INTS9: variants seen among roughly 807,000 people sequenced by gnomAD.
The protein encoded by INTS9 is integrator complex subunit 9.
Under a neutral mutation model 79.7 loss-of-function variants are expected in INTS9, and 55 were observed. That is an observed-to-expected ratio of 0.69 (90% CI 0.56 to 0.86). The LOEUF (loss-of-function observed/expected upper bound fraction) is 0.86. Among genes scored for constraint, INTS9 ranks in the 40% least tolerant of loss-of-function variants. INTS9 has a pLI of 0.00. For synonymous variants in INTS9, 319 were observed against 325.2 expected (o/e 0.98, Z 0.20); for missense variants, 721 against 831.5 (o/e 0.87, Z 1.64).
intron 11 of INTS9, among the ~76,000 whole-genome samples, chr8:28,782,885 C>A (rs529703989): frequency 2.0e-5 from 3 of 152,230 alleles, no homozygotes; most frequent in East Asian, 1.9e-4. Context: ...CATACACACA[C>A]AAAAAAACCC....
intron 14 of INTS9, among the ~76,000 whole-genome samples, chr8:28,773,482 TC>T (rs1802685935): frequency 7.2e-6 from 1 of 138,438 alleles, no homozygotes; most frequent in Non-Finnish European, 1.6e-5. Context: ...AAAAAAAAAA[TC>T]TATGAAAAAA....
chr8:28,876,204 C>A (rs1337242101), intron 1 of INTS9, among the ~76,000 whole-genome samples: 1 of 152,130 alleles, frequency 6.6e-6, no homozygotes, highest in Non-Finnish European at 1.5e-5. Flanking sequence ...GGAAACCTTG[C>A]AATTTTCTTT....
At chr8:28,836,440 T>C (rs1280827608) in intron 5 of INTS9, among the ~76,000 whole-genome samples, 1 of 152,236 alleles carries the variant, frequency 6.6e-6, no homozygotes, top group East Asian at 1.9e-4. Context: ...TCGTGATCCA[T>C]ATTGACTTAA....
At chr8:28,813,657 A>G in intron 6 of INTS9, 45 bp from the exon 7 acceptor site, 2 of 1,605,732 alleles carry the variant, frequency 1.2e-6, no homozygotes, top group Non-Finnish European at 1.7e-6. Flanking sequence ...ACATTTCTTC[A>G]TGTTCTACAG....
intron 2 of INTS9, among the ~76,000 whole-genome samples, chr8:28,855,825 G>A (rs1376814518): frequency 1.3e-5 from 2 of 152,208 alleles, no homozygotes; most frequent in East Asian, 3.8e-4. Context: ...CCATGGTTAT[G>A]TTAGAGGATG....
At position 28,836,057 on chromosome 8, in the gene INTS9, G is replaced by A. The variant is rs150145605; in HGVS notation, c.402-679C>T. On this transcript the variant is annotated intron_variant, in intron 5 of 16. Transcript: ENST00000521022. ...ACTCCTGACCTCAGGTGATCCACCCGCCTCGGCCTCCCAAAGTGCTGGGGG... is the reference window on the plus strand; with the variant it reads ...ACTCCTGACCTCAGGTGATCCACCCACCTCGGCCTCCCAAAGTGCTGGGGG... 3.7e-3 allele frequency among the ~76,000 whole-genome samples: 562 copies of A among 152,110 alleles called. 2 individuals are homozygous for A. The highest frequency in any genetic ancestry group is 0.012 in the African/African-American group (510 of 41,478).
chr8:28,793,693 C>A (rs1804035740), intron 10 of INTS9, 114 bp downstream of exon 10: 2 of 1,012,296 alleles, frequency 2.0e-6, no homozygotes, highest in Non-Finnish European at 2.8e-6. Flanking sequence ...AGAAAAACAA[C>A]AAAATGAAAT....
At chr8:28,808,193 ATT>A (rs3054473) in intron 8 of INTS9, among the ~76,000 whole-genome samples, 97,319 of 130,662 alleles carry the variant, frequency 0.74, 35,507 homozygotes, top group Non-Finnish European at 0.77. Flanking sequence ...CTTTATTTAG[ATT>A]TTTTTTTTTT....
intron 14 of INTS9, among the ~76,000 whole-genome samples, chr8:28,773,082 G>A (rs909294845): frequency 2.0e-5 from 3 of 152,104 alleles, no homozygotes; most frequent in African/African-American, 7.2e-5. Context: ...ATTTTCTTAT[G>A]GAAATAAACA....
At chr8:28,804,290 A>G (rs1804681353) in intron 8 of INTS9, among the ~76,000 whole-genome samples, 2 of 152,230 alleles carry the variant, frequency 1.3e-5, no homozygotes, top group African/African-American at 4.8e-5. Flanking sequence ...GACAAATTTG[A>G]GAAACTAAAT....
At chr8:28,776,077 C>T (rs552403467) in intron 13 of INTS9, 151 bp from the exon 14 acceptor site, 82 of 564,700 alleles carry the variant, frequency 1.5e-4, no homozygotes, top group African/African-American at 1.3e-3. Context: ...CCCAATGAAC[C>T]GTAGACAGGA....
chr8:28,850,460 A>G (rs1807770185), intron 2 of INTS9, among the ~76,000 whole-genome samples, 187 bp from the exon 3 acceptor site: 1 of 151,172 alleles, frequency 6.6e-6, no homozygotes, highest in Non-Finnish European at 1.5e-5. Flanking sequence ...TTATGTGGCA[A>G]TAGGATATTA....
intron 4 of INTS9, among the ~76,000 whole-genome samples, chr8:28,844,709 G>A (rs894940553): frequency 6.6e-6 from 1 of 152,072 alleles, no homozygotes; most frequent in Non-Finnish European, 1.5e-5. Flanking sequence ...CCAGCTACTC[G>A]GGAGGCTGAG....
chr8:28,881,738 G>A (rs1337830998), intron 1 of INTS9, among the ~76,000 whole-genome samples: 561 of 141,974 alleles, frequency 4.0e-3, no homozygotes, highest in African/African-American at 0.014. Flanking sequence ...CGGCCGCCCC[G>A]TCCGGGAGGT....
intron 11 of INTS9, among the ~76,000 whole-genome samples, chr8:28,785,513 C>G (rs1445912013): frequency 6.6e-6 from 1 of 152,184 alleles, no homozygotes; most frequent in Non-Finnish European, 1.5e-5. Flanking sequence ...ATATTCATTA[C>G]TAGCATTATT....
intron 3 of INTS9, 138 bp downstream of exon 3, chr8:28,850,075 C>G (rs887368047): frequency 9.6e-6 from 6 of 625,612 alleles, no homozygotes; most frequent in African/African-American, 5.6e-5. Flanking sequence ...TCTGAAGACC[C>G]TAGCATAGAT....
rs1252738965 is a variant in INTS9, at chr8:28,775,821, G to C, written c.1501C>G (p.Arg501Gly). The C allele has an allele frequency of 6.2e-7, 1 of 1,614,068 alleles. No individual in the cohort carries two copies. The highest frequency in any genetic ancestry group is 1.3e-5 in the African/African-American group (1 of 75,046). ...DCQPPAMSYR[R>G]AEVLALPFKR... ...AAGGGCAGGGCGAGAACCTCAGCCC[G>C]CCGATAGGACATGGCGGGGGGCTGG... Residue 501 changes from arginine (R) to glycine (G), a missense_variant, in exon 14 of 17, where the codon CGG becomes GGG. Coordinates refer to ENST00000521022, the MANE Select transcript of INTS9 (RefSeq NM_018250.4).
At chr8:28,862,571 G>A (rs374831701) in intron 1 of INTS9, among the ~76,000 whole-genome samples, 1 of 152,134 alleles carries the variant, frequency 6.6e-6, no homozygotes. Context: ...ATTCCCAGAA[G>A]TAGCACTAAC....
At chr8:28,861,850 G>A (rs1037963974) in intron 1 of INTS9, among the ~76,000 whole-genome samples, 2 of 152,256 alleles carry the variant, frequency 1.3e-5, no homozygotes, top group Admixed American at 6.5e-5. Flanking sequence ...GGCTACCACC[G>A]AATGGAACAA....
Sources: gnomAD v4.1 joint callset for allele counts (sites outside exome capture counted in the v4.1 genomes callset) on GRCh38, gnomAD v4.1.1 for gene constraint, MANE v1.5 for transcripts, NCBI Gene and HGNC (gene_info 2026-07-23, HGNC 2026-07-21) for gene names.